KLRG2: variants seen among roughly 807,000 people sequenced by gnomAD.
The protein encoded by KLRG2 is killer cell lectin-like receptor subfamily G member 2.
KLRG2 carries 39 observed loss-of-function variants against 35.4 expected under a neutral mutation model. The observed-to-expected ratio is 1.10, with a 90% CI of 0.85 to 1.44. The LOEUF is 1.44. Among genes scored for constraint, KLRG2 ranks in the 40% most tolerant of loss-of-function variants. The pLI, the probability that KLRG2 is intolerant of heterozygous loss-of-function variation, is 0.00. For synonymous variants in KLRG2, 283 were observed against 265.8 expected, an observed-to-expected ratio of 1.06 and a Z score of -0.63; for missense variants, 632 against 570.9, an observed-to-expected ratio of 1.11 and a Z score of -1.09.
chr7:139,482,038 G>C (rs1231912641), intron 1 of KLRG2, among the ~76,000 whole-genome samples: 2 of 152,100 alleles, frequency 1.3e-5, no homozygotes, highest in African/African-American at 2.4e-5. Flanking sequence ...TGTATCTTTT[G>C]TGGGCTCTTT....
chr7:139,454,014 G>T, intron 4 of KLRG2, 97 bp downstream of exon 4: 1 of 818,878 alleles, frequency 1.2e-6, no homozygotes, highest in South Asian at 1.5e-5. Flanking sequence ...CTTTCCAAGT[G>T]GCATTCCAGG....
intron 3 of KLRG2, among the ~76,000 whole-genome samples, chr7:139,467,418 AAGAC>A (rs1796680542): frequency 2.0e-5 from 3 of 152,198 alleles, no homozygotes; most frequent in Admixed American, 6.5e-5. Context: ...GGGGAAAAGA[AAGAC>A]AGATCAGATT....
At chr7:139,478,060 C>A (rs561082392) in intron 3 of KLRG2, among the ~76,000 whole-genome samples, 54 of 146,034 alleles carry the variant, frequency 3.7e-4, no homozygotes, top group Admixed American at 6.8e-4. Context: ...GCCCGGCCCA[C>A]AATTTTTTTA....
the KLRG2 span, among the ~76,000 whole-genome samples, chr7:139,433,085 T>C: frequency 1.3e-5 from 2 of 152,312 alleles, no homozygotes; most frequent in African/African-American, 4.8e-5. Flanking sequence ...CTTGTATTTG[T>C]TTTCATAGTT....
At chr7:139,481,698 T>C (rs909102115) in intron 1 of KLRG2, among the ~76,000 whole-genome samples, 13 of 152,096 alleles carry the variant, frequency 8.5e-5, no homozygotes, top group Admixed American at 3.3e-4. Context: ...CTGAGGCGGC[T>C]GGATCACCTG....
the KLRG2 span, among the ~76,000 whole-genome samples, chr7:139,429,105 A>G: frequency 3.9e-5 from 6 of 152,168 alleles, no homozygotes; most frequent in South Asian, 8.3e-4. Context: ...CAGGAGTTCA[A>G]GACCAGCCTG....
downstream of KLRG2, chr7:139,448,705 TAATA>T (rs1233254032): frequency 7.0e-6 from 1 of 143,074 alleles, no homozygotes; most frequent in African/African-American, 2.8e-5. Flanking sequence ...AAAATAATAA[TAATA>T]AATAAAATAA....
At chr7:139,471,075 T>G (rs1226888901) in intron 3 of KLRG2, among the ~76,000 whole-genome samples, 1 of 151,894 alleles carries the variant, frequency 6.6e-6, no homozygotes, top group Non-Finnish European at 1.5e-5. Flanking sequence ...CCTGAGCTCC[T>G]GACCTCAGGT....
At chr7:139,464,478 T>A (rs886343306) in intron 3 of KLRG2, among the ~76,000 whole-genome samples, 5 of 151,942 alleles carry the variant, frequency 3.3e-5, no homozygotes, top group African/African-American at 1.2e-4. Flanking sequence ...ACCCATATAC[T>A]CTCCTATCCT....
intron 3 of KLRG2, among the ~76,000 whole-genome samples, chr7:139,462,612 C>T (rs1383804609): frequency 6.6e-6 from 1 of 152,198 alleles, no homozygotes; most frequent in Non-Finnish European, 1.5e-5. Flanking sequence ...TTATTTTCTT[C>T]TGCAATGCTG....
downstream of KLRG2, among the ~76,000 whole-genome samples, chr7:139,448,195 C>T (rs2116411612): frequency 6.6e-6 from 1 of 152,146 alleles, no homozygotes; most frequent in African/African-American, 2.4e-5. Flanking sequence ...GGGGTCTCAC[C>T]ATGTTGTCCA....
At chr7:139,456,922 C>G (rs1374810725) in intron 3 of KLRG2, among the ~76,000 whole-genome samples, 1 of 140,874 alleles carries the variant, frequency 7.1e-6, no homozygotes, top group Non-Finnish European at 1.5e-5. Context: ...AAACTGCCTC[C>G]CCGCGCTCAC....
rs558355010 is a variant in KLRG2 at position 139,470,063 on chromosome 7, CTT to C, written c.1005+9562_1005+9563del. ...AGAAACAGGGCATGGGTAAGCAATT[CTT>C]TTTTTTTTTTTTGGACGGAGTCTCG... On this transcript the variant is annotated intron_variant, in intron 3 of 4. Coordinates refer to ENST00000340940, the MANE Select transcript of KLRG2 (RefSeq NM_198508.4). Among the ~76,000 whole-genome samples, 313 of 143,544 alleles carry C rather than the reference CTT, an allele frequency of 2.2e-3. 1 individual carries two copies. Among genetic ancestry groups the C allele is most frequent in the Admixed American group, 4.3e-3 (61 of 14,306 alleles). The allele number at this position is 143,544 out of a possible 152,430, so 94.2% of individuals were successfully genotyped here.
chr7:139,456,473 C>T (rs1796478915), intron 3 of KLRG2, among the ~76,000 whole-genome samples: 1 of 152,188 alleles, frequency 6.6e-6, no homozygotes, highest in African/African-American at 2.4e-5. Flanking sequence ...TCAAGGAATT[C>T]TCCTGTCTCA....
At chr7:139,467,596 G>A (rs1327606493) in intron 3 of KLRG2, among the ~76,000 whole-genome samples, 1 of 151,880 alleles carries the variant, frequency 6.6e-6, no homozygotes, top group African/African-American at 2.4e-5. Context: ...TGGATTAAGG[G>A]CGGTGCAAGA....
the KLRG2 span, among the ~76,000 whole-genome samples, chr7:139,429,031 T>C: frequency 2.0e-5 from 3 of 152,222 alleles, no homozygotes; most frequent in Admixed American, 1.3e-4. Flanking sequence ...AAATAATCAC[T>C]TTAGGCCAGG....
At chr7:139,439,715 G>A in the KLRG2 span, among the ~76,000 whole-genome samples, 2 of 152,166 alleles carry the variant, frequency 1.3e-5, no homozygotes, top group Non-Finnish European at 2.9e-5. Context: ...CTGGACCCCT[G>A]CCTCAGCACA....
In KLRG2 at chr7:139,455,250, C is replaced by T. The variant is rs1023288599; in HGVS notation, c.1006-1036G>A. Among the ~76,000 whole-genome samples, 11 of 151,734 alleles carry T rather than the reference C, an allele frequency of 7.2e-5. No homozygotes were observed. In the South Asian group the frequency reaches 1.2e-3, roughly 17 times the overall value. Reference sequence around the variant, plus strand: ...CCTAGGCTGGTCTTGAGCTCCTGGCCTCAAGTGATCTGTCCATTTTAGCCT... The same window carrying T: ...CCTAGGCTGGTCTTGAGCTCCTGGCTTCAAGTGATCTGTCCATTTTAGCCT... On this transcript the variant is annotated intron_variant, in intron 3 of 4. Coordinates refer to ENST00000340940, the MANE Select transcript of KLRG2 (RefSeq NM_198508.4).
At chr7:139,471,632 G>A (rs1425105531) in intron 3 of KLRG2, among the ~76,000 whole-genome samples, 1 of 152,024 alleles carries the variant, frequency 6.6e-6, no homozygotes, top group Non-Finnish European at 1.5e-5. Context: ...CCGCACTCCA[G>A]CCTGGACAGC....
Sources: allele counts gnomAD v4.1 joint callset (sites outside exome capture counted in the v4.1 genomes callset), GRCh38; gene constraint gnomAD v4.1.1; transcripts MANE v1.5; gene names NCBI Gene and HGNC (gene_info 2026-07-23, HGNC 2026-07-21).